The following KANK1 variants were observed in gnomAD, a reference collection of about 807,000 sequenced individuals.
The protein encoded by KANK1 is KN motif and ankyrin repeat domain-containing protein 1.
KANK1 carries 109 observed loss-of-function variants against 106.2 expected under a neutral mutation model. The observed-to-expected ratio is 1.03, with a 90% CI of 0.88 to 1.20. The LOEUF is 1.20. Among genes scored for constraint, KANK1 ranks in the 50% most tolerant of loss-of-function variants. The pLI is 0.00. For synonymous variants in KANK1, 873 were observed against 652.2 expected, an observed-to-expected ratio of 1.34 and a Z score of -5.16; for missense variants, 2,399 against 1,710.7, an observed-to-expected ratio of 1.40 and a Z score of -7.10.
chr9:498,096 T>TA, intron 3 of KANK1, among the ~76,000 whole-genome samples: 1 of 152,174 alleles, frequency 6.6e-6, no homozygotes, highest in South Asian at 2.1e-4. Context: ...TGATCCAACT[T>TA]ACTCTGTGAG....
At chr9:488,384 T>C (rs905046163) in intron 3 of KANK1, among the ~76,000 whole-genome samples, 3 of 152,184 alleles carry the variant, frequency 2.0e-5, no homozygotes, top group Non-Finnish European at 4.4e-5. Flanking sequence ...TCTTACACTT[T>C]TGTGTTCAAC....
chr9:621,358 T>C (rs1461367439), intron 1 of KANK1, among the ~76,000 whole-genome samples: 1 of 152,154 alleles, frequency 6.6e-6, no homozygotes, highest in Non-Finnish European at 1.5e-5. Context: ...GAGCAAAGTC[T>C]TCATATGCAC....
At chr9:602,102 A>G (rs1301947823) in intron 1 of KANK1, among the ~76,000 whole-genome samples, 2 of 151,942 alleles carry the variant, frequency 1.3e-5, no homozygotes, top group Non-Finnish European at 2.9e-5. Flanking sequence ...ACCCTGTAGA[A>G]AAATAGGTTC....
intron 2 of KANK1, among the ~76,000 whole-genome samples, chr9:703,874 G>A (rs1463834142): frequency 1.3e-5 from 2 of 151,976 alleles, no homozygotes; most frequent in Admixed American, 1.3e-4. Flanking sequence ...ACCATGCCCA[G>A]CTAAATTTTT....
At chr9:678,773 T>C (rs1214594875) in intron 2 of KANK1, among the ~76,000 whole-genome samples, 4 of 152,052 alleles carry the variant, frequency 2.6e-5, no homozygotes, top group African/African-American at 9.7e-5. Context: ...CAGTAAAATA[T>C]TTGGTGAGAG....
intron 2 of KANK1, chr9:693,538 T>G: frequency 1.0e-6 from 1 of 985,440 alleles, no homozygotes; most frequent in South Asian, 4.7e-5. Flanking sequence ...TTTTTTAAGA[T>G]CTTGCTAGCA....
chr9:719,872 C>T (rs768659612), intron 3 of KANK1, among the ~76,000 whole-genome samples: 3 of 152,210 alleles, frequency 2.0e-5, no homozygotes, highest in Admixed American at 6.5e-5. Context: ...ATCCTCCCAC[C>T]TTCCAGCTCT....
At chr9:734,540 C>G (rs936961945) in intron 6 of KANK1, 2 of 445,190 alleles carry the variant, frequency 4.5e-6, no homozygotes, top group Non-Finnish European at 8.4e-6. Context: ...GTGGTGCACA[C>G]CTGTAGTCCC....
chr9:598,895 G>C (rs144138426), intron 1 of KANK1, among the ~76,000 whole-genome samples: 1 of 150,274 alleles, frequency 6.7e-6, no homozygotes, highest in East Asian at 1.9e-4. Context: ...ATCTCCCAAA[G>C]TGCTAGAATT....
At chr9:624,824 C>G (rs1022634919) in intron 1 of KANK1, among the ~76,000 whole-genome samples, 10 of 151,966 alleles carry the variant, frequency 6.6e-5, no homozygotes, top group African/African-American at 2.2e-4. Flanking sequence ...ACAATATCCC[C>G]TTTAAAAACG....
chr9:684,264 T>A, intron 2 of KANK1: 1 of 985,396 alleles, frequency 1.0e-6, no homozygotes, highest in Non-Finnish European at 1.2e-6. Context: ...AAAGGATGAT[T>A]TATCTTCCAG....
At chr9:536,740 C>T (rs1240614411) in intron 1 of KANK1, among the ~76,000 whole-genome samples, 1 of 150,950 alleles carries the variant, frequency 6.6e-6, no homozygotes, top group African/African-American at 2.5e-5. Context: ...TGCACAATGA[C>T]TTTTGCCATG....
At chr9:550,208 C>T (rs1036009353) in intron 1 of KANK1, among the ~76,000 whole-genome samples, 3 of 152,010 alleles carry the variant, frequency 2.0e-5, no homozygotes, top group African/African-American at 7.3e-5. Context: ...AACCGCCTCC[C>T]CTCCCCCCAG....
At chr9:484,068 T>C (rs1356588049) in intron 3 of KANK1, among the ~76,000 whole-genome samples, 8 of 152,220 alleles carry the variant, frequency 5.3e-5, no homozygotes, top group Non-Finnish European at 1.5e-5. Context: ...AGTTCACACC[T>C]TCAGCTTTAG....
chr9:537,071 C>CT (rs2060339311), intron 1 of KANK1, among the ~76,000 whole-genome samples: 1 of 152,150 alleles, frequency 6.6e-6, no homozygotes, highest in South Asian at 2.1e-4. Flanking sequence ...AGTTGTGACT[C>CT]TCCTGCTTAT....
At chr9:718,298 C>CTTCTTTT (rs1828291342) in intron 3 of KANK1, among the ~76,000 whole-genome samples, 2 of 74,088 alleles carry the variant, frequency 2.7e-5, no homozygotes, top group Non-Finnish European at 4.9e-5. Flanking sequence ...CTTGCTGTGT[C>CTTCTTTT]TTTTTTTTTT....
Position 744,608 on chromosome 9 carries a change from G to C in KANK1, c.3996+19G>C, listed in dbSNP as rs774047079. 4 of 1,613,942 alleles carry C rather than the reference G, an allele frequency of 2.5e-6. No homozygotes were observed. The highest frequency in any genetic ancestry group is 1.3e-5 in the African/African-American group (1 of 74,906). ...GTCTCCGGTCAGTGTTGTGCATTTG[G>C]CATTTGTAAATAGGCTGAAATCCAC... On this transcript the variant is annotated intron_variant, in intron 11 of 11. Coordinates refer to ENST00000382297, the MANE Select transcript of KANK1 (RefSeq NM_015158.5).
intron 1 of KANK1, among the ~76,000 whole-genome samples, chr9:572,598 C>T (rs753254229): frequency 1.3e-5 from 2 of 151,958 alleles, no homozygotes; most frequent in African/African-American, 4.8e-5. Context: ...GATATGTTGC[C>T]CAGGCTGGTC....
intron 2 of KANK1, among the ~76,000 whole-genome samples, chr9:703,648 TTC>T (rs1823259925): frequency 6.6e-6 from 1 of 152,112 alleles, no homozygotes; most frequent in Non-Finnish European, 1.5e-5. Context: ...GCAGGCATAG[TTC>T]TGTTAGTCCA....
Sources: gnomAD v4.1 joint callset for allele counts (sites outside exome capture counted in the v4.1 genomes callset) on GRCh38, gnomAD v4.1.1 for gene constraint, MANE v1.5 for transcripts, NCBI Gene and HGNC (gene_info 2026-07-23, HGNC 2026-07-21) for gene names.